KDM4C: variants seen among roughly 807,000 people sequenced by gnomAD.
KDM4C encodes the protein lysine demethylase 4C.
Under a neutral mutation model 129.3 loss-of-function variants are expected in KDM4C, and 81 were observed. The observed-to-expected ratio is 0.63, with a 90% CI of 0.52 to 0.75. The LOEUF (loss-of-function observed/expected upper bound fraction) is 0.75, where lower values mean the gene tolerates loss of function less well. KDM4C is among the 30% of genes least tolerant of loss of function. The pLI is 0.00. For synonymous variants in KDM4C, 573 were observed against 456.1 expected (o/e 1.26, Z -3.26); for missense variants, 1,457 against 1,304.0 (o/e 1.12, Z -1.81).
chr9:6,990,874 C>G (rs547668384), intron 12 of KDM4C, among the ~76,000 whole-genome samples: 5 of 152,234 alleles, frequency 3.3e-5, no homozygotes, highest in Non-Finnish European at 7.4e-5. Flanking sequence ...TTTACATTGT[C>G]TTTACTTTTA....
intron 4 of KDM4C, among the ~76,000 whole-genome samples, chr9:6,845,016 G>C (rs1381462449): frequency 6.6e-6 from 1 of 152,136 alleles, no homozygotes; most frequent in Non-Finnish European, 1.5e-5. Context: ...TGTTGCATTG[G>C]AAATATTTTG....
rs190895402 is a variant in KDM4C, at chr9:7,077,337, T to A, written c.2425-26348T>A. 277 of 509,690 alleles carry A rather than the reference T, an allele frequency of 5.4e-4. 1 individual carries two copies. The highest frequency in any genetic ancestry group is 4.7e-3 in the African/African-American group (226 of 48,054). The allele number at this position is 509,690 out of a possible 1,614,324, so 31.6% of individuals were successfully genotyped here. On this transcript the variant is annotated intron_variant, in intron 17 of 21. Transcript: ENST00000381309. ...ACATATAGTTGTCATCCTATGCCCC[T>A]CCCCTCAACTACGGCTGAAAAAAAA...
In KDM4C at chr9:6,878,761, G is replaced by C. The variant is rs559755216; in HGVS notation, c.630-1251G>C. Among the ~76,000 whole-genome samples the C allele has an allele frequency of 2.0e-5, 3 of 151,992 alleles. No homozygotes were observed. In the East Asian group the frequency reaches 5.8e-4, roughly 29 times the overall value. On this transcript the variant is annotated intron_variant, in intron 5 of 21. Transcript: ENST00000381309. ...GTGTGTGTATGTATGTGTGTGATGA[G>C]GAAGGCTGACCCTCTTGTTTGGAAG... is the stretch of plus-strand genomic sequence containing the variant.
At chr9:6,894,081 C>T (rs893615927) in intron 8 of KDM4C, among the ~76,000 whole-genome samples, 1 of 152,130 alleles carries the variant, frequency 6.6e-6, no homozygotes, top group Non-Finnish European at 1.5e-5. Context: ...TTGCATGGCT[C>T]AACTGAATAT....
chr9:7,055,789 G>A (rs532933402), intron 17 of KDM4C, among the ~76,000 whole-genome samples: 7 of 152,302 alleles, frequency 4.6e-5, no homozygotes, highest in African/African-American at 1.7e-4. Flanking sequence ...GGTAGAGATA[G>A]GGTCTGCCTC....
intron 17 of KDM4C, among the ~76,000 whole-genome samples, chr9:7,093,346 A>T (rs968343427): frequency 2.0e-5 from 3 of 152,214 alleles, no homozygotes; most frequent in African/African-American, 7.2e-5. Flanking sequence ...ATCAGGGTTT[A>T]TGCTCCATCT....
intron 12 of KDM4C, among the ~76,000 whole-genome samples, chr9:6,998,164 C>T (rs1211856598): frequency 1.3e-5 from 2 of 152,164 alleles, no homozygotes; most frequent in African/African-American, 4.8e-5. Flanking sequence ...ACCCTGATCC[C>T]TATCTCTGTA....
chr9:6,891,180 C>T (rs567969113), intron 7 of KDM4C, among the ~76,000 whole-genome samples: 1 of 152,046 alleles, frequency 6.6e-6, no homozygotes, highest in South Asian at 2.1e-4. Context: ...AGGGAGCGCT[C>T]TTGGGTGATG....
rs182806051 is a variant in KDM4C at position 6,919,394 on chromosome 9, G to A, written c.921+26162G>A. On this transcript the variant is annotated intron_variant, in intron 8 of 21. Transcript: ENST00000381309. ...AAGGTGTCTGTTTACTTTGTTGATA[G>A]TTCCTTTTGCTGTGCAGAAGCTTGA... is the stretch of plus-strand genomic sequence containing the variant. Among the ~76,000 whole-genome samples, 11 of 148,524 alleles carry A rather than the reference G, an allele frequency of 7.4e-5. No homozygotes were observed. The East Asian group carries it at 2.2e-3, about 29-fold the overall frequency.
chr9:7,083,457 G>A (rs911643301), intron 17 of KDM4C, among the ~76,000 whole-genome samples: 1 of 152,162 alleles, frequency 6.6e-6, no homozygotes, highest in Non-Finnish European at 1.5e-5. Flanking sequence ...CATAGAGTGT[G>A]CCTATGCAAA....
At chr9:7,059,542 A>G (rs1325140313) in intron 17 of KDM4C, among the ~76,000 whole-genome samples, 1 of 152,260 alleles carries the variant, frequency 6.6e-6, no homozygotes, top group African/African-American at 2.4e-5. Context: ...ACCTTTAGGA[A>G]CTACCATTGA....
At chr9:6,908,883 T>C (rs948182292) in intron 8 of KDM4C, among the ~76,000 whole-genome samples, 1 of 152,156 alleles carries the variant, frequency 6.6e-6, no homozygotes, top group Non-Finnish European at 1.5e-5. Flanking sequence ...AATCAAATAA[T>C]GAGAGTAAAC....
At chr9:6,889,392 C>T (rs1316895851) in intron 7 of KDM4C, among the ~76,000 whole-genome samples, 2 of 152,010 alleles carry the variant, frequency 1.3e-5, no homozygotes, top group African/African-American at 4.8e-5. Flanking sequence ...GTGAATGTGC[C>T]CTCATCACTG....
At chr9:6,952,943 A>AGATTTTAC (rs1828438094) in intron 8 of KDM4C, among the ~76,000 whole-genome samples, 1 of 152,214 alleles carries the variant, frequency 6.6e-6, no homozygotes, top group Non-Finnish European at 1.5e-5. Context: ...ATATTTTTAA[A>AGATTTTAC]GATTTTACTT....
chr9:6,906,517 A>G (rs1818349504), intron 8 of KDM4C, among the ~76,000 whole-genome samples: 1 of 152,196 alleles, frequency 6.6e-6, no homozygotes, highest in African/African-American at 2.4e-5. Context: ...CTCCCACCTC[A>G]GCCTCCCTAG....
intron 8 of KDM4C, among the ~76,000 whole-genome samples, chr9:6,918,136 T>G (rs1820668914): frequency 6.6e-6 from 1 of 152,200 alleles, no homozygotes; most frequent in South Asian, 2.1e-4. Flanking sequence ...GTGAACATAG[T>G]ACCCAAAAGG....
At chr9:7,036,748 A>G (rs1169478868) in intron 15 of KDM4C, among the ~76,000 whole-genome samples, 5 of 152,198 alleles carry the variant, frequency 3.3e-5, no homozygotes, top group African/African-American at 4.8e-5. Context: ...AGCCTACTTC[A>G]CTTAAAAGAT....
chr9:6,942,246 G>T, intron 8 of KDM4C, among the ~76,000 whole-genome samples: 1 of 147,460 alleles, frequency 6.8e-6, no homozygotes, highest in East Asian at 2.0e-4. Context: ...GTCTGTTTTA[G>T]CCTTATCTAT....
chr9:7,132,856 A>G (rs1461506652), intron 19 of KDM4C, among the ~76,000 whole-genome samples: 2 of 152,226 alleles, frequency 1.3e-5, no homozygotes, highest in Non-Finnish European at 2.9e-5. Flanking sequence ...CTTAACATTC[A>G]CCACTGGGCA....
Sources: gnomAD v4.1 joint callset for allele counts (sites outside exome capture counted in the v4.1 genomes callset) on GRCh38, gnomAD v4.1.1 for gene constraint, MANE v1.5 for transcripts, NCBI Gene and HGNC (gene_info 2026-07-23, HGNC 2026-07-21) for gene names.